The following FANCC variants were observed in gnomAD, a reference collection of about 807,000 sequenced individuals.
FANCC encodes the protein Fanconi anemia group C protein.
In FANCC, 55 loss-of-function variants were observed where a neutral mutation model predicts 71.3. The observed-to-expected ratio is 0.77, with a 90% CI of 0.62 to 0.97. The LOEUF (loss-of-function observed/expected upper bound fraction) is 0.97, where lower values mean the gene tolerates loss of function less well. FANCC is among the 50% of genes least tolerant of loss of function. FANCC has a pLI of 0.00. For missense variants in FANCC, 678 were observed against 670.9 expected (o/e 1.01, Z -0.12); for synonymous variants, 275 against 244.9 (o/e 1.12, Z -1.15).
At chr9:95,222,606 T>C (rs1313487213) in intron 4 of FANCC, among the ~76,000 whole-genome samples, 2 of 152,168 alleles carry the variant, frequency 1.3e-5, no homozygotes, top group African/African-American at 4.8e-5. Context: ...TATCAAATTA[T>C]ACACTTTAAG....
At chr9:95,264,673 G>A (rs1439811525) in intron 1 of FANCC, among the ~76,000 whole-genome samples, 1 of 152,066 alleles carries the variant, frequency 6.6e-6, no homozygotes, top group Non-Finnish European at 1.5e-5. Context: ...AACAGGAGAT[G>A]TATGGAGAGA....
At position 95,101,512 on chromosome 9, in the gene FANCC, A is replaced by T; in HGVS notation, c.*195T>A. 1 of 674,564 alleles carries T rather than the reference A, an allele frequency of 1.5e-6. No individual in the cohort carries two copies. The highest frequency in any genetic ancestry group is 2.6e-6 in the Non-Finnish European group (1 of 390,974). The allele number at this position is 674,564 out of a possible 1,614,324, so 41.8% of individuals were successfully genotyped here. On this transcript the variant is annotated 3_prime_UTR_variant, in exon 15 of 15. Transcript: ENST00000289081. ...AGTCATTAGTGAACATGTCTGACTG[A>T]GTCTGGGCTGAGGGACCTGGCTCTG...
At chr9:95,310,531 AAT>A (rs1399750791) in intron 1 of FANCC, among the ~76,000 whole-genome samples, 1 of 152,150 alleles carries the variant, frequency 6.6e-6, no homozygotes, top group African/African-American at 2.4e-5. Context: ...ACCACCCAAA[AAT>A]AGAGTACATA....
chr9:95,117,745 C>T (rs1303032241), intron 10 of FANCC, among the ~76,000 whole-genome samples: 14 of 114,124 alleles, frequency 1.2e-4, no homozygotes, highest in Non-Finnish European at 2.0e-4. Flanking sequence ...TTTTTTGAAA[C>T]GGAGTTTTGC....
chr9:95,221,252 GA>G (rs777123313), intron 4 of FANCC, among the ~76,000 whole-genome samples: 4 of 151,974 alleles, frequency 2.6e-5, no homozygotes, highest in African/African-American at 7.2e-5. Flanking sequence ...AAATCTGTCT[GA>G]AATTATGTTC....
chr9:95,107,048 G>T lies in FANCC; in HGVS notation c.1533+18C>A. 1.2e-6 allele frequency: 2 copies of T among 1,613,572 alleles called. No homozygotes were observed. The highest frequency in any genetic ancestry group is 2.2e-5 in the South Asian group (2 of 91,022). On this transcript the variant is annotated intron_variant, in intron 14 of 14. Transcript: ENST00000289081. ...AGCAGAAATGAGTACTAGGATGCTG[G>T]ACCACAGGGAGACTTACCAGGGTGA...
At chr9:95,252,287 A>AAG (rs1831388163) in intron 1 of FANCC, among the ~76,000 whole-genome samples, 2 of 149,408 alleles carry the variant, frequency 1.3e-5, no homozygotes, top group Non-Finnish European at 3.0e-5. Flanking sequence ...AAAAAAAAAA[A>AAG]AAAAAAAGAA....
At chr9:95,124,727 G>A (rs1199649579) in intron 10 of FANCC, among the ~76,000 whole-genome samples, 1 of 152,172 alleles carries the variant, frequency 6.6e-6, no homozygotes, top group Non-Finnish European at 1.5e-5. Context: ...TAGACCCCAG[G>A]GTGCCTCCTG....
chr9:95,170,650 G>GTGTGTA (rs1825609630), intron 6 of FANCC, among the ~76,000 whole-genome samples: 2 of 150,018 alleles, frequency 1.3e-5, no homozygotes, highest in Non-Finnish European at 3.0e-5. Flanking sequence ...GTGTGTGTGT[G>GTGTGTA]TGTGTGTGTG....
At chr9:95,151,707 C>T (rs1050373642) in intron 6 of FANCC, among the ~76,000 whole-genome samples, 1 of 152,062 alleles carries the variant, frequency 6.6e-6, no homozygotes, top group Non-Finnish European at 1.5e-5. Flanking sequence ...GCAGGCAGAT[C>T]GCTTGATCCC....
intron 1 of FANCC, among the ~76,000 whole-genome samples, chr9:95,252,707 T>G (rs1365235001): frequency 7.1e-6 from 1 of 141,680 alleles, no homozygotes; most frequent in Admixed American, 7.4e-5. Flanking sequence ...ATCACTCCAC[T>G]GCACTCCAGC....
At chr9:95,229,678 G>A (rs1307781288) in intron 4 of FANCC, among the ~76,000 whole-genome samples, 4 of 152,110 alleles carry the variant, frequency 2.6e-5, no homozygotes, top group African/African-American at 7.2e-5. Flanking sequence ...AAGTGGAGAT[G>A]TCACACAGGC....
intron 7 of FANCC, among the ~76,000 whole-genome samples, chr9:95,149,464 G>A (rs1331007047): frequency 6.6e-6 from 1 of 151,864 alleles, no homozygotes; most frequent in Non-Finnish European, 1.5e-5. Context: ...AAAATAAAAT[G>A]TTTTGGGATC....
chr9:95,126,633 G>GAA, intron 8 of FANCC, 52 bp from the exon 9 acceptor site: 1 of 1,577,638 alleles, frequency 6.3e-7, no homozygotes, highest in Non-Finnish European at 8.7e-7. Context: ...CACTTTCTCA[G>GAA]AAACTTGCTA....
intron 7 of FANCC, among the ~76,000 whole-genome samples, chr9:95,139,839 T>C (rs183940065): frequency 0.011 from 1,551 of 146,976 alleles, 32 homozygotes; most frequent in African/African-American, 0.037. Context: ...TATATTTATA[T>C]ATATATATAT....
At chr9:95,106,710 T>C (rs1334969211) in intron 14 of FANCC, among the ~76,000 whole-genome samples, 1 of 152,232 alleles carries the variant, frequency 6.6e-6, no homozygotes, top group Admixed American at 6.5e-5. Flanking sequence ...GAGCCCATTC[T>C]CATCGTGGCC....
intron 6 of FANCC, among the ~76,000 whole-genome samples, chr9:95,151,106 G>A (rs1050784764): frequency 9.2e-5 from 14 of 152,118 alleles, no homozygotes; most frequent in African/African-American, 3.1e-4. Context: ...CTGGACACTC[G>A]AGCTTCAAGT....
At chr9:95,166,410 G>A (rs1831071776) in intron 6 of FANCC, among the ~76,000 whole-genome samples, 1 of 151,546 alleles carries the variant, frequency 6.6e-6, no homozygotes, top group Non-Finnish European at 1.5e-5. Context: ...TTGTTACCAT[G>A]GGCATTACAT....
At chr9:95,192,609 T>C (rs967831038) in intron 4 of FANCC, among the ~76,000 whole-genome samples, 5 of 152,214 alleles carry the variant, frequency 3.3e-5, no homozygotes, top group Non-Finnish European at 7.4e-5. Flanking sequence ...TCTAGAAATG[T>C]CCCTTTAAAA....
Sources: gnomAD v4.1 joint callset for allele counts (sites outside exome capture counted in the v4.1 genomes callset) on GRCh38, gnomAD v4.1.1 for gene constraint, MANE v1.5 for transcripts, NCBI Gene and HGNC (gene_info 2026-07-23, HGNC 2026-07-21) for gene names.